The following IQSEC1 variants were observed in gnomAD, a reference collection of about 807,000 sequenced individuals.
IQSEC1 encodes the protein IQ motif and Sec7 domain ArfGEF 1.
A neutral mutation model predicts 91.0 loss-of-function variants in IQSEC1; 31 were observed. The ratio of observed to expected loss-of-function variants is 0.34; its 90% CI spans 0.26 to 0.46. IQSEC1 has a LOEUF of 0.46. Ranked by LOEUF, IQSEC1 falls within the 20% of genes least tolerant of loss-of-function variation. The pLI is 1.00. For synonymous variants in IQSEC1, 699 were observed against 662.6 expected, an observed-to-expected ratio of 1.05 and a Z score of -0.84; for missense variants, 1,388 against 1,575.6, an observed-to-expected ratio of 0.88 and a Z score of 2.02.
intron 1 of IQSEC1, among the ~76,000 whole-genome samples, chr3:13,040,944 C>A (rs1704237830): frequency 6.6e-6 from 1 of 152,146 alleles, no homozygotes; most frequent in South Asian, 2.1e-4. Flanking sequence ...CCCTGCCTGG[C>A]CCAGGACTCC....
chr3:12,899,095 T>C lies in IQSEC1; in HGVS notation c.*1888A>G, dbSNP rs1575820564. On this transcript the variant is annotated 3_prime_UTR_variant, in exon 14 of 14. Coordinates refer to ENST00000613206, the MANE Select transcript of IQSEC1 (RefSeq NM_001134382.3). Reference sequence around the variant, plus strand: ...TCTAGATTGCTGTATTTGCTCTCTCTGGAGATTAACAAAGTGCTTGGTTTG... The same window carrying C: ...TCTAGATTGCTGTATTTGCTCTCTCCGGAGATTAACAAAGTGCTTGGTTTG... 8.1e-6 allele frequency: 4 copies of C among 495,630 alleles called. No homozygotes were observed. The highest frequency in any genetic ancestry group is 3.7e-6 in the Non-Finnish European group (1 of 273,540). 30.7% of individuals were successfully genotyped at this position (495,630 alleles called of 1,614,324 possible).
chr3:12,904,565 C>T (rs1184423075), intron 12 of IQSEC1, among the ~76,000 whole-genome samples: 4 of 152,346 alleles, frequency 2.6e-5, no homozygotes, highest in African/African-American at 7.2e-5. Context: ...AAAGTAGAGT[C>T]CAGCCTCCCA....
chr3:13,009,467 G>A (rs577380460), intron 1 of IQSEC1, among the ~76,000 whole-genome samples: 83 of 152,006 alleles, frequency 5.5e-4, no homozygotes, highest in African/African-American at 1.6e-3. Flanking sequence ...CCCGCTCTCC[G>A]CCCTGGCCCT....
intron 1 of IQSEC1, among the ~76,000 whole-genome samples, chr3:12,972,539 G>A (rs1700956734): frequency 6.6e-6 from 1 of 152,310 alleles, no homozygotes; most frequent in South Asian, 2.1e-4. Context: ...TTGAGCTTCT[G>A]CTCAGTGTCT....
intron 1 of IQSEC1, among the ~76,000 whole-genome samples, chr3:13,265,916 C>CA (rs34132019): frequency 0.59 from 65,158 of 110,640 alleles, 18,884 homozygotes; most frequent in East Asian, 0.93. Context: ...TGCTTTATTG[C>CA]AAAAAAAAAA....
intron 1 of IQSEC1, among the ~76,000 whole-genome samples, chr3:12,964,830 C>A (rs1700459761): frequency 6.6e-6 from 1 of 152,064 alleles, no homozygotes; most frequent in Non-Finnish European, 1.5e-5. Flanking sequence ...CACACAGATG[C>A]ACACACATGC....
intron 1 of IQSEC1, among the ~76,000 whole-genome samples, chr3:13,190,424 T>C (rs1205303982): frequency 6.6e-6 from 1 of 151,708 alleles, no homozygotes; most frequent in African/African-American, 2.4e-5. Flanking sequence ...TAAAAAAAAT[T>C]AGCCAGGCAT....
intron 2 of IQSEC1, among the ~76,000 whole-genome samples, chr3:13,085,200 A>AG (rs779938010): frequency 1.3e-5 from 2 of 152,198 alleles, no homozygotes; most frequent in Non-Finnish European, 2.9e-5. Context: ...ACTGATGCTC[A>AG]GAGACACAAA....
intron 1 of IQSEC1, among the ~76,000 whole-genome samples, chr3:12,982,546 A>C (rs1701516659): frequency 6.6e-6 from 1 of 152,232 alleles, no homozygotes; most frequent in African/African-American, 2.4e-5. Context: ...ATTGCCATTA[A>C]AGAAAAAAAT....
chr3:13,252,227 C>T (rs1559286734), intron 1 of IQSEC1, among the ~76,000 whole-genome samples: 2 of 152,162 alleles, frequency 1.3e-5, no homozygotes, highest in South Asian at 4.1e-4. Context: ...CCCTGGCGTC[C>T]ATCCTTCCAC....
Position 12,994,520 on chromosome 3 carries a change from C to T in IQSEC1, c.24-52655G>A, listed in dbSNP as rs2125642163. On this transcript the variant is annotated intron_variant, in intron 1 of 13. Coordinates refer to ENST00000613206, the MANE Select transcript of IQSEC1 (RefSeq NM_001134382.3). The surrounding 1 kb of genome is among the most constrained non-coding windows in gnomAD (Gnocchi z 4.5). ...GGGGCACTGCGACCCCCGGCATTTC[C>T]CTCAGACTACCCCAGACCCCCAATA... Among the ~76,000 whole-genome samples the T allele has an allele frequency of 6.6e-6, 1 of 152,202 alleles. No individual in the cohort carries two copies. The highest frequency in any genetic ancestry group is 1.9e-4 in the East Asian group (1 of 5,154).
intron 1 of IQSEC1, among the ~76,000 whole-genome samples, chr3:12,991,991 C>T (rs1302942017): frequency 6.6e-6 from 1 of 152,124 alleles, no homozygotes; most frequent in African/African-American, 2.4e-5. Flanking sequence ...CCAAGATTAC[C>T]TAATGTTTGC....
intron 1 of IQSEC1, among the ~76,000 whole-genome samples, chr3:13,223,704 G>A (rs1286291713): frequency 6.6e-6 from 1 of 152,212 alleles, no homozygotes; most frequent in East Asian, 1.9e-4. Flanking sequence ...CGCGGCGTCT[G>A]CAGAGGAAGT....
chr3:13,021,984 G>T, intron 1 of IQSEC1: 2 of 1,178,344 alleles, frequency 1.7e-6, no homozygotes, highest in Non-Finnish European at 2.1e-6. Flanking sequence ...AAACCATCCG[G>T]CCCAACAGTC....
chr3:13,271,621 C>T (rs1166621864), intron 1 of IQSEC1, among the ~76,000 whole-genome samples: 4 of 151,980 alleles, frequency 2.6e-5, no homozygotes, highest in Non-Finnish European at 5.9e-5. Context: ...CAAAGCAAGA[C>T]ACCATCTCTA....
At chr3:12,954,113 C>A (rs1699744534) in intron 1 of IQSEC1, among the ~76,000 whole-genome samples, 1 of 152,210 alleles carries the variant, frequency 6.6e-6, no homozygotes, top group African/African-American at 2.4e-5. Flanking sequence ...GTCTTTCCGG[C>A]CCCAGGGAGG....
At chr3:13,121,422 A>G (rs951392028) in intron 2 of IQSEC1, among the ~76,000 whole-genome samples, 2 of 152,092 alleles carry the variant, frequency 1.3e-5, no homozygotes, top group African/African-American at 2.4e-5. Flanking sequence ...AGGGCTGGGC[A>G]CAGAACAGCG....
In IQSEC1 at chr3:12,908,314, T is replaced by C. The variant is rs2125066228; in HGVS notation, c.2755+35A>G. ...CGCCCTGCCTCGGTCTTGCATGCGC[T>C]GGGCTAGCAAGGTGGTTCTAGGCCA... On this transcript the variant is annotated intron_variant, in intron 12 of 13. Coordinates refer to ENST00000613206, the MANE Select transcript of IQSEC1 (RefSeq NM_001134382.3). This position sits in a 1 kb window ranked among gnomAD's most constrained non-coding sequence, Gnocchi z 4.9. The C allele has an allele frequency of 6.2e-7, 1 of 1,605,570 alleles. No homozygotes were observed. The highest frequency in any genetic ancestry group is 8.5e-7 in the Non-Finnish European group (1 of 1,176,266).
chr3:12,910,481 C>A (rs1695456513), intron 10 of IQSEC1, among the ~76,000 whole-genome samples: 1 of 152,230 alleles, frequency 6.6e-6, no homozygotes, highest in Admixed American at 6.5e-5. Flanking sequence ...TCTCAGAGAG[C>A]AGGCTACTGC....
Sources: allele counts gnomAD v4.1 joint callset (sites outside exome capture counted in the v4.1 genomes callset), GRCh38; gene constraint gnomAD v4.1.1; non-coding constraint Gnocchi (gnomAD v3.1); transcripts MANE v1.5; gene names NCBI Gene and HGNC (gene_info 2026-07-23, HGNC 2026-07-21).